Variants in PLPP7 observed in about 807,000 individuals in gnomAD.
PLPP7 encodes the protein inactive phospholipid phosphatase 7.
A neutral mutation model predicts 16.9 loss-of-function variants in PLPP7; 11 were observed. That is an observed-to-expected ratio of 0.65 (90% CI 0.41 to 1.08). The LOEUF (loss-of-function observed/expected upper bound fraction) is 1.08, where lower values mean the gene tolerates loss of function less well. Among genes scored for constraint, PLPP7 ranks in the 50% least tolerant of loss-of-function variants. The pLI is 0.00. For synonymous variants in PLPP7, 174 were observed against 175.1 expected (o/e 0.99, Z 0.05); for missense variants, 358 against 397.1 (o/e 0.90, Z 0.84).
intron 1 of PLPP7, chr9:131,292,914 C>G (rs1416794599): frequency 1.0e-6 from 1 of 985,376 alleles, no homozygotes. Flanking sequence ...GTTTGCCCCA[C>G]AGGATAAAGA....
At chr9:131,294,795 T>A (rs1244247340) in intron 1 of PLPP7, among the ~76,000 whole-genome samples, 1 of 150,528 alleles carries the variant, frequency 6.6e-6, no homozygotes, top group Non-Finnish European at 1.5e-5. Flanking sequence ...ATGGTTTCGT[T>A]ATGTTGGCCA....
At chr9:131,297,934 T>C (rs12339452) in intron 1 of PLPP7, among the ~76,000 whole-genome samples, 2,125 of 152,304 alleles carry the variant, frequency 0.014, 34 homozygotes, top group African/African-American at 0.049. Context: ...AAGTGGCCTT[T>C]TCCACTTAAC....
rs538748854 is a variant in PLPP7, at chr9:131,290,999, G to A, written c.451+551G>A. The A allele has an allele frequency of 4.8e-6, 6 of 1,242,352 alleles. No individual in the cohort carries two copies. The highest frequency in any genetic ancestry group is 4.6e-5 in the African/African-American group (3 of 65,464). The allele number at this position is 1,242,352 out of a possible 1,614,324, so 77.0% of individuals were successfully genotyped here. A position where few individuals can be genotyped will look rare whatever the true frequency, so the allele number is the denominator to read the frequency against. ...CCCCTGGGACTGCCACCCACTCACA[G>A]CCCCCTGGAGTTCTTCCCTGCTCCT... is the stretch of plus-strand genomic sequence containing the variant. On this transcript the variant is annotated intron_variant, in intron 1 of 1. Transcript: ENST00000372264. The surrounding 1 kb of genome is among the most constrained non-coding windows in gnomAD (Gnocchi z 4.2).
Position 131,292,134 on chromosome 9 carries a change from C to T in PLPP7, c.451+1686C>T, listed in dbSNP as rs552475056. On this transcript the variant is annotated intron_variant, in intron 1 of 1. Transcript: ENST00000372264. ...GGAGGGAGGGACAGAGCAAAGTGGC[C>T]GAGGCACTAGGCCAGGCGCTTCCAG... 4.6e-5 allele frequency among the ~76,000 whole-genome samples: 7 copies of T among 152,290 alleles called. No homozygotes were observed. In the East Asian group the frequency reaches 9.6e-4, roughly 21 times the overall value.
In PLPP7 at chr9:131,295,077, T is replaced by G. The variant is rs1352534835; in HGVS notation, c.451+4629T>G. On this transcript the variant is annotated intron_variant, in intron 1 of 1. Coordinates refer to ENST00000372264, the MANE Select transcript of PLPP7 (RefSeq NM_032728.4). This position sits in a 1 kb window ranked among gnomAD's most constrained non-coding sequence, Gnocchi z 4.0. ...TTGCAGTGAGCTGAGATCGCACCAC[T>G]GCACTCCAGCCTGGGCGACAGAGTG... Among the ~76,000 whole-genome samples, 1 of 146,302 alleles carries G rather than the reference T, an allele frequency of 6.8e-6. No individual in the cohort carries two copies. Among genetic ancestry groups the G allele is most frequent in the Non-Finnish European group, 1.5e-5 (1 of 66,364 alleles).
Position 131,290,230 on chromosome 9 carries a change from A to C in PLPP7, c.233A>C (p.Lys78Thr). 1 of 1,609,582 alleles carries C rather than the reference A, an allele frequency of 6.2e-7. No homozygotes were observed. The highest frequency in any genetic ancestry group is 1.1e-5 in the South Asian group (1 of 90,330). The stretch of plus-strand genomic sequence containing the variant: ...TGCATGCAGCTGAACCCCTCCTTCA[A>C]GGGCATCGCCTTCAACTCCCTGCTG... ...EDCMQLNPSF[K>T]GIAFNSLLAI... Residue 78 changes from lysine to threonine, a missense_variant, in exon 1 of 2, where the codon AAG becomes ACG. Physicochemically the swap from Lys to Thr is moderately conservative, Grantham distance 78 (BLOSUM62 -1). Transcript: ENST00000372264. The surrounding 1 kb of genome is among the most constrained non-coding windows in gnomAD (Gnocchi z 4.2).
chr9:131,290,174 A>G lies in PLPP7; in HGVS notation c.177A>G (p.Arg59=), dbSNP rs748489746. The G allele has an allele frequency of 1.9e-6, 3 of 1,582,106 alleles. No homozygotes were observed. Among genetic ancestry groups the G allele is most frequent in the Non-Finnish European group, 2.6e-6 (3 of 1,160,124 alleles). Residue 59 remains arginine, a synonymous_variant, in exon 1 of 2, where the codon CGA becomes CGG. Transcript: ENST00000372264. This position sits in a 1 kb window ranked among gnomAD's most constrained non-coding sequence, Gnocchi z 4.2. The stretch of plus-strand genomic sequence containing the variant: ...CTGCTGGTGACGGGGCCAGAGAGCG[A>G]CGCCAGTCACAGCAGCTGCCAGAGG... ...PPPAGDGARE[R]RQSQQLPEED...
intron 1 of PLPP7, among the ~76,000 whole-genome samples, chr9:131,299,023 A>G (rs955808191): frequency 2.0e-5 from 3 of 151,796 alleles, no homozygotes; most frequent in Non-Finnish European, 4.4e-5. Flanking sequence ...GTCCTCTGAC[A>G]TGGTCCCGGG....
chr9:131,305,568 CCTCT>C (rs1240535450), intron 1 of PLPP7, among the ~76,000 whole-genome samples: 2 of 151,162 alleles, frequency 1.3e-5, no homozygotes, highest in Non-Finnish European at 3.0e-5. Context: ...TCTCTGTTTC[CCTCT>C]CTCTCTCTTT....
chr9:131,297,397 T>A (rs1835745637), intron 1 of PLPP7, among the ~76,000 whole-genome samples: 1 of 151,770 alleles, frequency 6.6e-6, no homozygotes. Flanking sequence ...TTTTTTTTTT[T>A]TTTTTCTGAA....
At chr9:131,301,012 A>G (rs1004711316) in intron 1 of PLPP7, among the ~76,000 whole-genome samples, 6 of 152,278 alleles carry the variant, frequency 3.9e-5, no homozygotes, top group African/African-American at 9.6e-5. Flanking sequence ...TCTGTCACCC[A>G]GGTTGGAATG....
At position 131,290,142 on chromosome 9, in the gene PLPP7, C is replaced by T. The variant is rs759010792; in HGVS notation, c.145C>T (p.Pro49Ser). 8.9e-6 allele frequency: 14 copies of T among 1,575,376 alleles called. No homozygotes were observed. In the Admixed American group the frequency reaches 1.7e-4, roughly 20 times the overall value. The change falls in exon 1 of 2, where the codon CCC becomes TCC. Residue 49 changes from proline to serine, a missense_variant. Pro to Ser is a moderately conservative substitution (Grantham distance 74). Coordinates refer to ENST00000372264, the MANE Select transcript of PLPP7 (RefSeq NM_032728.4). The surrounding 1 kb of genome is among the most constrained non-coding windows in gnomAD (Gnocchi z 4.2). ...GRKASGPSAQ[P>S]PPAGDGARER... ...AAAGGCCTCGGGCCCATCAGCACAG[C>T]CCCCACCTGCTGGTGACGGGGCCAG...
chr9:131,300,484 A>C (rs1176276785), intron 1 of PLPP7, among the ~76,000 whole-genome samples: 1 of 152,090 alleles, frequency 6.6e-6, no homozygotes, highest in Non-Finnish European at 1.5e-5. Context: ...CAGGAGTTCA[A>C]GACCAGCTTG....
chr9:131,291,557 CTTT>C (rs940950338), intron 1 of PLPP7: 385 of 161,602 alleles, frequency 2.4e-3, no homozygotes, highest in Middle Eastern at 6.8e-3. Flanking sequence ...TTTCTTGTTC[CTTT>C]TTTTTTTTTT....
chr9:131,301,257 C>T (rs1360764222), intron 1 of PLPP7, among the ~76,000 whole-genome samples: 1 of 152,202 alleles, frequency 6.6e-6, no homozygotes. Flanking sequence ...GCATGAGCCA[C>T]CGCGCTGGCC....
chr9:131,297,053 C>T (rs1412917676), intron 1 of PLPP7, among the ~76,000 whole-genome samples: 1 of 152,262 alleles, frequency 6.6e-6, no homozygotes, highest in Non-Finnish European at 1.5e-5. Context: ...TTCTCAGCAT[C>T]TCAGTGGGCC....
At chr9:131,298,987 G>A (rs907108402) in intron 1 of PLPP7, among the ~76,000 whole-genome samples, 3 of 152,200 alleles carry the variant, frequency 2.0e-5, no homozygotes, top group South Asian at 2.1e-4. Flanking sequence ...ACGGAAGAGC[G>A]TGAGGGGTGG....
chr9:131,290,883 G>C lies in PLPP7; in HGVS notation c.451+435G>C, dbSNP rs530295075. 4.6e-5 allele frequency among the ~76,000 whole-genome samples: 7 copies of C among 152,158 alleles called. No individual in the cohort carries two copies. The South Asian group carries it at 1.2e-3, about 27-fold the overall frequency. On this transcript the variant is annotated intron_variant, in intron 1 of 1. Transcript: ENST00000372264. This position sits in a 1 kb window ranked among gnomAD's most constrained non-coding sequence, Gnocchi z 4.2. ...GACAGCTCCCAGCCAGGCTGTTCCCGTGAGCTGCCCCATGAGCACCTCCCG... is the reference window on the plus strand; with the variant it reads ...GACAGCTCCCAGCCAGGCTGTTCCCCTGAGCTGCCCCATGAGCACCTCCCG...
intron 1 of PLPP7, among the ~76,000 whole-genome samples, chr9:131,297,723 C>T (rs563113237): frequency 3.9e-5 from 6 of 152,150 alleles, no homozygotes; most frequent in Admixed American, 6.5e-5. Flanking sequence ...ACAAATAATG[C>T]GTGCTTGTGG....
Sources: allele counts gnomAD v4.1 joint callset (sites outside exome capture counted in the v4.1 genomes callset), GRCh38; gene constraint gnomAD v4.1.1; non-coding constraint Gnocchi (gnomAD v3.1); transcripts MANE v1.5; gene names NCBI Gene and HGNC (gene_info 2026-07-23, HGNC 2026-07-21).